Variants in KAZN observed in about 807,000 individuals in gnomAD.
KAZN encodes the protein kazrin.
In KAZN, 40 loss-of-function variants were observed where a neutral mutation model predicts 87.4. That is an observed-to-expected ratio of 0.46 (90% CI 0.36 to 0.60). KAZN has a LOEUF of 0.60. Ranked by LOEUF, KAZN falls within the 20% of genes least tolerant of loss-of-function variation. KAZN has a pLI of 0.00. For missense variants in KAZN, 898 were observed against 1,073.9 expected (o/e 0.84, Z 2.29); for synonymous variants, 466 against 458.3 (o/e 1.02, Z -0.22).
intron 2 of KAZN, among the ~76,000 whole-genome samples, chr1:14,298,333 T>C (rs2100770040): frequency 6.6e-6 from 1 of 152,348 alleles, no homozygotes. Flanking sequence ...CCCTTGTCAT[T>C]CATGAAATCA....
At chr1:14,115,408 C>T (rs1644594010) in intron 1 of KAZN, among the ~76,000 whole-genome samples, 1 of 152,158 alleles carries the variant, frequency 6.6e-6, no homozygotes, top group Admixed American at 6.5e-5. Context: ...GCAGGTCTTT[C>T]CTGTGCTGTT....
chr1:14,965,336 T>C (rs1664337421), intron 2 of KAZN, among the ~76,000 whole-genome samples: 1 of 152,152 alleles, frequency 6.6e-6, no homozygotes, highest in Non-Finnish European at 1.5e-5. Context: ...TGGTATCATC[T>C]TATGTATAAA....
chr1:15,086,116 G>C (rs12033638), intron 8 of KAZN, among the ~76,000 whole-genome samples: 2 of 151,794 alleles, frequency 1.3e-5, no homozygotes, highest in Non-Finnish European at 2.9e-5. Flanking sequence ...GATTACAGGC[G>C]CCCCCGACCA....
intron 2 of KAZN, among the ~76,000 whole-genome samples, chr1:14,580,648 A>G (rs1314435266): frequency 2.6e-5 from 4 of 152,054 alleles, no homozygotes; most frequent in African/African-American, 9.7e-5. Flanking sequence ...ATTAGGAGAA[A>G]AGGGACTAAC....
chr1:14,840,086 G>T (rs1263889881), intron 1 of KAZN, among the ~76,000 whole-genome samples: 1 of 150,940 alleles, frequency 6.6e-6, no homozygotes, highest in African/African-American at 2.4e-5. Context: ...GCAGAAAACT[G>T]ACTTCCTTCA....
chr1:14,135,197 T>C (rs1177558585), intron 1 of KAZN, among the ~76,000 whole-genome samples: 1 of 152,232 alleles, frequency 6.6e-6, no homozygotes, highest in African/African-American at 2.4e-5. Context: ...CCTGCTCATC[T>C]CTGCTTCCTT....
intron 2 of KAZN, among the ~76,000 whole-genome samples, chr1:14,257,203 C>T (rs1320362022): frequency 6.6e-6 from 1 of 151,950 alleles, no homozygotes; most frequent in Non-Finnish European, 1.5e-5. Flanking sequence ...TTTTGATTTG[C>T]ATTTCTCTGA....
At chr1:15,046,234 G>C (rs1412176742) in intron 4 of KAZN, among the ~76,000 whole-genome samples, 2 of 147,306 alleles carry the variant, frequency 1.4e-5, no homozygotes, top group Admixed American at 6.9e-5. Flanking sequence ...GGAGGCGGAG[G>C]TTGCAGTGAG....
chr1:14,584,903 A>G (rs1360521935), intron 2 of KAZN, among the ~76,000 whole-genome samples: 1 of 152,142 alleles, frequency 6.6e-6, no homozygotes, highest in Non-Finnish European at 1.5e-5. Context: ...TTGGCCTCCC[A>G]AAGTGCTGGG....
At chr1:14,312,461 G>A (rs1285571432) in intron 2 of KAZN, among the ~76,000 whole-genome samples, 3 of 152,144 alleles carry the variant, frequency 2.0e-5, no homozygotes, top group Non-Finnish European at 4.4e-5. Flanking sequence ...TAAAAATGGA[G>A]AAGGTGACAT....
rs561365491 is a variant in KAZN, at chr1:14,184,512, C to T, written c.249+3920C>T. Among the ~76,000 whole-genome samples, 2 of 152,252 alleles carry T rather than the reference C, an allele frequency of 1.3e-5. No homozygotes were observed. The highest frequency in any genetic ancestry group is 1.9e-4 in the East Asian group (1 of 5,168). ...TATATTCCCCCTTGCCAAGCAAGAGCGGAAGCAGCAGCAGGAGGGAAACCT... is the reference window on the plus strand; with the variant it reads ...TATATTCCCCCTTGCCAAGCAAGAGTGGAAGCAGCAGCAGGAGGGAAACCT... On this transcript the variant is annotated intron_variant, in intron 2 of 16. Transcript: ENST00000636203. This position sits in a 1 kb window ranked among gnomAD's most constrained non-coding sequence, Gnocchi z 4.2.
intron 6 of KAZN, chr1:15,063,131 G>A (rs1638938008): frequency 5.7e-6 from 1 of 174,958 alleles, no homozygotes; most frequent in African/African-American, 2.4e-5. Flanking sequence ...GTCGGTTGTG[G>A]GGGAAGCTAG....
intron 2 of KAZN, among the ~76,000 whole-genome samples, chr1:14,318,618 C>G (rs1393099899): frequency 6.6e-6 from 1 of 152,068 alleles, no homozygotes; most frequent in African/African-American, 2.4e-5. Flanking sequence ...ATTTTTAGCT[C>G]TATTTCTTTA....
intron 1 of KAZN, among the ~76,000 whole-genome samples, chr1:14,006,043 T>A (rs1432505895): frequency 1.3e-5 from 2 of 152,214 alleles, no homozygotes; most frequent in Non-Finnish European, 2.9e-5. Flanking sequence ...ATATATATAT[T>A]TTGGATATTA....
intron 1 of KAZN, among the ~76,000 whole-genome samples, chr1:13,988,048 G>A (rs1462530340): frequency 6.6e-6 from 1 of 152,168 alleles, no homozygotes; most frequent in African/African-American, 2.4e-5. Context: ...ATACAGGAAG[G>A]TGGAAACCTC....
intron 3 of KAZN, among the ~76,000 whole-genome samples, chr1:15,038,325 G>A (rs1463384255): frequency 2.6e-5 from 4 of 152,164 alleles, no homozygotes; most frequent in East Asian, 1.9e-4. Flanking sequence ...AAAAGATGGC[G>A]CTGTTACCAG....
intron 1 of KAZN, among the ~76,000 whole-genome samples, chr1:14,708,041 G>C (rs534987006): frequency 6.6e-6 from 1 of 152,192 alleles, no homozygotes; most frequent in Non-Finnish European, 1.5e-5. Flanking sequence ...AGTTTGAGCA[G>C]TTTCTAGATC....
intron 1 of KAZN, among the ~76,000 whole-genome samples, chr1:14,169,545 T>C (rs1333768188): frequency 6.6e-6 from 1 of 152,090 alleles, no homozygotes. Context: ...CACAGGGGTG[T>C]GAGAACAGGC....
intron 2 of KAZN, among the ~76,000 whole-genome samples, chr1:14,393,047 C>T (rs756481189): frequency 5.3e-5 from 8 of 152,162 alleles, no homozygotes; most frequent in African/African-American, 9.7e-5. Flanking sequence ...CCCCTCCTTC[C>T]GGACTGTTCT....
Sources: gnomAD v4.1 joint callset for allele counts (sites outside exome capture counted in the v4.1 genomes callset) on GRCh38, gnomAD v4.1.1 for gene constraint, Gnocchi (gnomAD v3.1) non-coding constraint, MANE v1.5 for transcripts, NCBI Gene and HGNC (gene_info 2026-07-23, HGNC 2026-07-21) for gene names.